Variants in PRKG1 observed in about 807,000 individuals in gnomAD.
PRKG1 encodes the protein cGMP-dependent protein kinase 1.
In PRKG1, 35 loss-of-function variants were observed where a neutral mutation model predicts 88.1. That is an observed-to-expected ratio of 0.40 (90% CI 0.30 to 0.53). The LOEUF (loss-of-function observed/expected upper bound fraction) is 0.53, where lower values mean the gene tolerates loss of function less well. Among genes scored for constraint, PRKG1 ranks in the 20% least tolerant of loss-of-function variants. The pLI, the probability that PRKG1 is intolerant of heterozygous loss-of-function variation, is 0.59. For missense variants in PRKG1, 540 were observed against 839.8 expected, an observed-to-expected ratio of 0.64 and a Z score of 4.41; for synonymous variants, 303 against 292.5, an observed-to-expected ratio of 1.04 and a Z score of -0.37.
At chr10:52,046,085 A>C (rs1380337412) in intron 5 of PRKG1, among the ~76,000 whole-genome samples, 1 of 152,148 alleles carries the variant, frequency 6.6e-6, no homozygotes, top group Non-Finnish European at 1.5e-5. Context: ...ATACAAAGTA[A>C]GGTTGGAAGT....
At chr10:52,002,418 T>C (rs1589504986) in intron 5 of PRKG1, among the ~76,000 whole-genome samples, 1 of 152,298 alleles carries the variant, frequency 6.6e-6, no homozygotes, top group East Asian at 1.9e-4. Context: ...TGGTTTGTCT[T>C]ATAACACACT....
intron 2 of PRKG1, among the ~76,000 whole-genome samples, chr10:51,256,413 C>A (rs1215775355): frequency 1.3e-5 from 2 of 152,070 alleles, no homozygotes; most frequent in Non-Finnish European, 2.9e-5. Flanking sequence ...TACTGTACTT[C>A]TAGGTAACAT....
At chr10:51,634,932 C>A (rs1839617928) in intron 3 of PRKG1, among the ~76,000 whole-genome samples, 1 of 152,026 alleles carries the variant, frequency 6.6e-6, no homozygotes, top group Admixed American at 6.6e-5. Flanking sequence ...TACACCAGGG[C>A]ATACTTGAGG....
intron 3 of PRKG1, among the ~76,000 whole-genome samples, chr10:51,639,030 G>A (rs1839727162): frequency 6.6e-6 from 1 of 151,904 alleles, no homozygotes; most frequent in Admixed American, 6.6e-5. Flanking sequence ...ACACTGTAAT[G>A]TTTTTTAAGG....
chr10:51,549,067 C>A (rs1304665720), intron 3 of PRKG1, among the ~76,000 whole-genome samples: 1 of 150,708 alleles, frequency 6.6e-6, no homozygotes, highest in Non-Finnish European at 1.5e-5. Context: ...GTCCTTCAGA[C>A]CTTGGGATAC....
chr10:51,773,066 A>G (rs998534900), intron 3 of PRKG1, among the ~76,000 whole-genome samples: 1 of 152,084 alleles, frequency 6.6e-6, no homozygotes, highest in African/African-American at 2.4e-5. Context: ...AACTCAGTGG[A>G]TTTGACTAAA....
chr10:51,468,461 C>A (rs930192753), intron 3 of PRKG1, among the ~76,000 whole-genome samples: 7 of 151,812 alleles, frequency 4.6e-5, no homozygotes, highest in Admixed American at 4.6e-4. Flanking sequence ...TATATGATTT[C>A]TCTAGCAACT....
chr10:51,411,001 A>ATT (rs200442581), intron 2 of PRKG1, among the ~76,000 whole-genome samples: 3 of 147,778 alleles, frequency 2.0e-5, no homozygotes, highest in Non-Finnish European at 4.5e-5. Flanking sequence ...TTACAGGTTA[A>ATT]TTTTTTTTTT....
intron 2 of PRKG1, among the ~76,000 whole-genome samples, chr10:51,373,992 A>C (rs1316020908): frequency 6.6e-6 from 1 of 150,830 alleles, no homozygotes; most frequent in Non-Finnish European, 1.5e-5. Context: ...AACTACAAAA[A>C]TTAGCTGGGG....
intron 5 of PRKG1, among the ~76,000 whole-genome samples, chr10:52,052,128 T>C (rs1301407998): frequency 6.6e-6 from 1 of 152,192 alleles, no homozygotes; most frequent in East Asian, 1.9e-4. Context: ...CTGGTCATAT[T>C]TCAAATGCTC....
chr10:51,282,355 T>TTA (rs147147129), intron 2 of PRKG1, among the ~76,000 whole-genome samples: 32 of 150,780 alleles, frequency 2.1e-4, no homozygotes, highest in East Asian at 5.8e-4. Context: ...AACATTTTGG[T>TTA]TATATATATA....
chr10:52,065,092 C>T (rs747564297), intron 7 of PRKG1, among the ~76,000 whole-genome samples: 13 of 152,136 alleles, frequency 8.5e-5, no homozygotes, highest in Non-Finnish European at 1.0e-4. Flanking sequence ...GGGGGTTCTT[C>T]TCATGTATCA....
intron 8 of PRKG1, among the ~76,000 whole-genome samples, chr10:52,154,086 A>G (rs1200717691): frequency 6.6e-6 from 1 of 151,980 alleles, no homozygotes; most frequent in African/African-American, 2.4e-5. Context: ...GTGATGTTCT[A>G]TTTTAGTTAA....
chr10:51,139,036 G>A (rs988927749), intron 1 of PRKG1, among the ~76,000 whole-genome samples: 1 of 152,064 alleles, frequency 6.6e-6, no homozygotes, highest in Non-Finnish European at 1.5e-5. Flanking sequence ...ACCACAGTAA[G>A]CGTTGTAGAC....
At chr10:51,861,518 C>T (rs1231986166) in intron 4 of PRKG1, among the ~76,000 whole-genome samples, 4 of 152,074 alleles carry the variant, frequency 2.6e-5, no homozygotes, top group Non-Finnish European at 5.9e-5. Flanking sequence ...CTTTCTTTGG[C>T]TTGCAGTCTT....
intron 5 of PRKG1, among the ~76,000 whole-genome samples, chr10:51,976,880 T>C (rs915241878): frequency 1.3e-5 from 2 of 152,074 alleles, no homozygotes; most frequent in African/African-American, 4.8e-5. Context: ...TTATGACTTA[T>C]AACTGTATTC....
chr10:51,448,691 T>A (rs1839346936), intron 2 of PRKG1, among the ~76,000 whole-genome samples: 1 of 152,130 alleles, frequency 6.6e-6, no homozygotes, highest in South Asian at 2.1e-4. Context: ...TACCAATGAT[T>A]TTTTTAAAAA....
chr10:52,200,612 A>G (rs1435828836), intron 9 of PRKG1, among the ~76,000 whole-genome samples: 1 of 152,146 alleles, frequency 6.6e-6, no homozygotes, highest in East Asian at 1.9e-4. Context: ...GTTCTGCTTT[A>G]AGTTCTTTGA....
intron 7 of PRKG1, among the ~76,000 whole-genome samples, chr10:52,107,477 C>A (rs1251266475): frequency 2.0e-5 from 3 of 152,124 alleles, no homozygotes; most frequent in Non-Finnish European, 4.4e-5. Flanking sequence ...GCCTGCTGAG[C>A]AGTGAGAGTC....
Sources: gnomAD v4.1 joint callset for allele counts (sites outside exome capture counted in the v4.1 genomes callset) on GRCh38, gnomAD v4.1.1 for gene constraint, MANE v1.5 for transcripts, NCBI Gene and HGNC (gene_info 2026-07-23, HGNC 2026-07-21) for gene names.